Variants in GRIK2 observed in about 807,000 individuals in gnomAD.
GRIK2 encodes the protein glutamate ionotropic receptor kainate type subunit 2, also known as glutamate receptor ionotropic, kainate 2.
GRIK2 carries 32 observed loss-of-function variants against 100.3 expected under a neutral mutation model. That is an observed-to-expected ratio of 0.32 (90% confidence interval 0.24 to 0.43). GRIK2 has a LOEUF of 0.43. Ranked by LOEUF, GRIK2 falls within the 20% of genes least tolerant of loss-of-function variation. The pLI, the probability that GRIK2 is intolerant of heterozygous loss-of-function variation, is 1.00. For missense variants in GRIK2, 843 were observed against 1,114.9 expected, an observed-to-expected ratio of 0.76 and a Z score of 3.47; for synonymous variants, 417 against 389.4, an observed-to-expected ratio of 1.07 and a Z score of -0.83.
chr6:101,395,119 C>T (rs1366294306), intron 1 of GRIK2, among the ~76,000 whole-genome samples: 1 of 152,206 alleles, frequency 6.6e-6, no homozygotes, highest in Non-Finnish European at 1.5e-5. Flanking sequence ...GATACCACAG[C>T]ATGCATAGTT....
chr6:102,041,816 T>C (rs1237706356), intron 15 of GRIK2, among the ~76,000 whole-genome samples: 1 of 151,638 alleles, frequency 6.6e-6, no homozygotes, highest in Non-Finnish European at 1.5e-5. Flanking sequence ...AAAAAGTGTT[T>C]TGAAGAAATG....
At chr6:101,447,339 G>A (rs1028029724) in intron 2 of GRIK2, among the ~76,000 whole-genome samples, 1 of 151,592 alleles carries the variant, frequency 6.6e-6, no homozygotes, top group Non-Finnish European at 1.5e-5. Context: ...TCAGGCATTT[G>A]ATAGAATCTG....
chr6:101,483,597 T>G (rs1350138878), intron 2 of GRIK2, among the ~76,000 whole-genome samples: 2 of 152,190 alleles, frequency 1.3e-5, no homozygotes, highest in African/African-American at 4.8e-5. Context: ...TTATTTGGGA[T>G]AGAGTCTTGC....
intron 7 of GRIK2, among the ~76,000 whole-genome samples, chr6:101,790,705 G>A (rs1583156529): frequency 6.7e-6 from 1 of 150,284 alleles, no homozygotes; most frequent in Admixed American, 6.6e-5. Flanking sequence ...TTGGTATCAG[G>A]ATGATGCGGG....
At chr6:101,861,134 A>G (rs1184085271) in intron 11 of GRIK2, among the ~76,000 whole-genome samples, 5 of 152,202 alleles carry the variant, frequency 3.3e-5, no homozygotes, top group East Asian at 1.9e-4. Context: ...GAAACATAAG[A>G]TAGAGATAAG....
chr6:101,749,140 C>T (rs1161855669), intron 7 of GRIK2, among the ~76,000 whole-genome samples: 2 of 152,100 alleles, frequency 1.3e-5, no homozygotes, highest in Non-Finnish European at 2.9e-5. Context: ...ACAGAGTCTG[C>T]CTCTGTCACC....
At chr6:102,006,147 C>T (rs1795210243) in intron 14 of GRIK2, among the ~76,000 whole-genome samples, 1 of 151,648 alleles carries the variant, frequency 6.6e-6, no homozygotes, top group African/African-American at 2.4e-5. Context: ...CCCATAGCAC[C>T]AAGAATTCTG....
At chr6:101,480,263 C>A (rs929678613) in intron 2 of GRIK2, among the ~76,000 whole-genome samples, 2 of 152,072 alleles carry the variant, frequency 1.3e-5, no homozygotes, top group African/African-American at 4.8e-5. Flanking sequence ...AGTAAACTTT[C>A]CTGATGATGG....
intron 11 of GRIK2, among the ~76,000 whole-genome samples, chr6:101,880,740 T>G (rs1786187815): frequency 6.6e-6 from 1 of 152,032 alleles, no homozygotes; most frequent in Admixed American, 6.6e-5. Flanking sequence ...TATTACTTCA[T>G]TTTATTCCTG....
chr6:101,642,255 C>T (rs1781308086), intron 4 of GRIK2, among the ~76,000 whole-genome samples: 1 of 151,780 alleles, frequency 6.6e-6, no homozygotes, highest in Non-Finnish European at 1.5e-5. Flanking sequence ...TGGTAAAATA[C>T]ACATACAATT....
intron 7 of GRIK2, among the ~76,000 whole-genome samples, chr6:101,750,265 AG>A (rs1314408779): frequency 2.0e-5 from 3 of 152,194 alleles, no homozygotes; most frequent in Non-Finnish European, 4.4e-5. Flanking sequence ...ACAGAAGGTA[AG>A]TGACAGGGCT....
chr6:101,551,124 G>A (rs1776490448), intron 2 of GRIK2, among the ~76,000 whole-genome samples: 1 of 152,140 alleles, frequency 6.6e-6, no homozygotes, highest in Admixed American at 6.6e-5. Flanking sequence ...CCTCAGAGAT[G>A]CATGTTTCCT....
chr6:101,724,870 T>G (rs561071684), intron 7 of GRIK2, among the ~76,000 whole-genome samples: 3 of 151,966 alleles, frequency 2.0e-5, no homozygotes, highest in Non-Finnish European at 4.4e-5. Flanking sequence ...GATGAGCATT[T>G]TCCATCTTCT....
chr6:101,564,343 T>G (rs1359341439), intron 2 of GRIK2, among the ~76,000 whole-genome samples: 1 of 152,154 alleles, frequency 6.6e-6, no homozygotes, highest in Non-Finnish European at 1.5e-5. Flanking sequence ...TTGGGACACT[T>G]TCCTACTTCT....
chr6:101,833,428 T>A (rs1292146508), intron 10 of GRIK2, among the ~76,000 whole-genome samples: 1 of 152,024 alleles, frequency 6.6e-6, no homozygotes, highest in African/African-American at 2.4e-5. Flanking sequence ...AGAAACTGGG[T>A]TTCACCATCT....
At chr6:101,984,189 G>T (rs1427495073) in intron 14 of GRIK2, among the ~76,000 whole-genome samples, 1 of 151,476 alleles carries the variant, frequency 6.6e-6, no homozygotes, top group Non-Finnish European at 1.5e-5. Context: ...TACCTTATAA[G>T]TGCTTATTTA....
intron 10 of GRIK2, among the ~76,000 whole-genome samples, chr6:101,828,494 G>A (rs933149810): frequency 4.0e-5 from 6 of 151,786 alleles, no homozygotes; most frequent in South Asian, 2.1e-4. Context: ...ATGGGTCTTC[G>A]AAAGGATAAC....
intron 2 of GRIK2, among the ~76,000 whole-genome samples, chr6:101,449,502 C>A (rs984046208): frequency 1.5e-4 from 22 of 151,576 alleles, no homozygotes; most frequent in Admixed American, 6.6e-5. Context: ...TTTTACACAA[C>A]AAGGGAGGCT....
At chr6:101,772,131 T>C (rs1157510806) in intron 7 of GRIK2, among the ~76,000 whole-genome samples, 1 of 152,192 alleles carries the variant, frequency 6.6e-6, no homozygotes, top group African/African-American at 2.4e-5. Context: ...TTTTCTCTAC[T>C]GGCTTCATTC....
Sources: gnomAD v4.1 joint callset for allele counts (sites outside exome capture counted in the v4.1 genomes callset) on GRCh38, gnomAD v4.1.1 for gene constraint, MANE v1.5 for transcripts, NCBI Gene and HGNC (gene_info 2026-07-23, HGNC 2026-07-21) for gene names.